The following TSHZ2 variants were observed in gnomAD, a reference collection of about 807,000 sequenced individuals.
The protein encoded by TSHZ2 is teashirt zinc finger homeobox 2, also known as teashirt homolog 2.
TSHZ2 carries 21 observed loss-of-function variants against 74.4 expected under a neutral mutation model. That is an observed-to-expected ratio of 0.28 (90% CI 0.20 to 0.41). The LOEUF (loss-of-function observed/expected upper bound fraction) is 0.41. Among genes scored for constraint, TSHZ2 ranks in the 10% least tolerant of loss-of-function variants. TSHZ2 has a pLI of 1.00. For synonymous variants in TSHZ2, 540 were observed against 515.3 expected (o/e 1.05, Z -0.65); for missense variants, 1,244 against 1,293.5 (o/e 0.96, Z 0.59).
chr20:53,217,299 C>A (rs781318052), intron 1 of TSHZ2, among the ~76,000 whole-genome samples: 1 of 152,142 alleles, frequency 6.6e-6, no homozygotes, highest in African/African-American at 2.4e-5. Flanking sequence ...CACTTCTGGG[C>A]GCTCAGGGAG....
intron 1 of TSHZ2, among the ~76,000 whole-genome samples, chr20:53,066,944 G>C (rs1010661300): frequency 1.3e-5 from 2 of 152,194 alleles, no homozygotes; most frequent in Admixed American, 1.3e-4. Context: ...GACAGCTTCA[G>C]AAAGTCCCGC....
In TSHZ2 at chr20:53,479,277, C is replaced by T. The variant is rs564760643; in HGVS notation, c.*9-7867C>T. Among the ~76,000 whole-genome samples, 139 of 151,910 alleles carry T rather than the reference C, an allele frequency of 9.2e-4. 1 individual carries two copies. Among genetic ancestry groups the T allele is most frequent in the Non-Finnish European group, 6.5e-4 (44 of 67,990 alleles). ...ATTGCCCAAACATTCTATTAAAATG[C>T]AGGTTCCAAATCAGCAGCTTGGGGT... On this transcript the variant is annotated intron_variant, in intron 2 of 2. Transcript: ENST00000371497.
At chr20:53,455,582 C>T in intron 2 of TSHZ2, 1 of 151,884 alleles carries the variant, frequency 6.6e-6, no homozygotes, top group Admixed American at 6.6e-5. Flanking sequence ...TATTATTATA[C>T]TTTAAGTTTT....
chr20:53,034,992 A>G (rs1983766257), intron 1 of TSHZ2, among the ~76,000 whole-genome samples: 1 of 152,216 alleles, frequency 6.6e-6, no homozygotes, highest in Non-Finnish European at 1.5e-5. Context: ...AAGGCAAGTA[A>G]GGAGACTCCT....
intron 1 of TSHZ2, among the ~76,000 whole-genome samples, chr20:53,125,124 GATA>G (rs752624489): frequency 2.0e-4 from 30 of 152,216 alleles, no homozygotes; most frequent in Middle Eastern, 3.2e-3. Context: ...AAATGAGGAT[GATA>G]ATAATCATAA....
At chr20:53,069,079 A>T (rs936822613) in intron 1 of TSHZ2, among the ~76,000 whole-genome samples, 2 of 152,162 alleles carry the variant, frequency 1.3e-5, no homozygotes, top group Non-Finnish European at 2.9e-5. Context: ...TTATTATTTA[A>T]CCACTGCACA....
chr20:53,172,674 T>A (rs1988229640), intron 1 of TSHZ2, among the ~76,000 whole-genome samples: 1 of 152,194 alleles, frequency 6.6e-6, no homozygotes, highest in African/African-American at 2.4e-5. Context: ...GTGAGTACTA[T>A]CATTATTTCT....
chr20:53,028,156 C>T (rs978192770), intron 1 of TSHZ2, among the ~76,000 whole-genome samples: 2 of 152,156 alleles, frequency 1.3e-5, no homozygotes, highest in Admixed American at 6.5e-5. Context: ...GGATAGCAGA[C>T]ATGTGGGTAC....
rs1409433472 is a variant in TSHZ2 at position 52,973,014 on chromosome 20, A to G, written c.-280A>G. 8.2e-6 allele frequency: 3 copies of G among 367,594 alleles called. No individual in the cohort carries two copies. The highest frequency in any genetic ancestry group is 4.8e-5 in the Admixed American group (1 of 20,686). 22.8% of individuals were successfully genotyped at this position (367,594 alleles called of 1,614,324 possible). ...AAAGCAAAAACAAAAAAGAGAGAGG[A>G]AAAAAAATTCAAAATAAACAAACAA... is the stretch of plus-strand genomic sequence containing the variant. On this transcript the variant is annotated 5_prime_UTR_variant, in exon 1 of 3. Coordinates refer to ENST00000371497, the MANE Select transcript of TSHZ2 (RefSeq NM_173485.6).
At chr20:53,142,274 T>G (rs1293568630) in intron 1 of TSHZ2, among the ~76,000 whole-genome samples, 1 of 152,212 alleles carries the variant, frequency 6.6e-6, no homozygotes, top group Non-Finnish European at 1.5e-5. Context: ...TCCTCTGTAT[T>G]AGCTACACTC....
intron 1 of TSHZ2, among the ~76,000 whole-genome samples, chr20:53,050,185 A>G (rs1381576008): frequency 2.1e-5 from 3 of 145,920 alleles, no homozygotes; most frequent in African/African-American, 7.6e-5. Context: ...ACACATATAT[A>G]TGTATATATA....
intron 1 of TSHZ2, among the ~76,000 whole-genome samples, chr20:52,973,707 C>T (rs4811414): frequency 0.13 from 20,297 of 152,078 alleles, 1,574 homozygotes; most frequent in Admixed American, 0.21. Flanking sequence ...GTGGTCAGTG[C>T]CAGTGGCTTT....
At chr20:53,478,851 G>A (rs13036780) in intron 2 of TSHZ2, among the ~76,000 whole-genome samples, 30,600 of 151,534 alleles carry the variant, frequency 0.2, 3,248 homozygotes, top group East Asian at 0.29. Flanking sequence ...CACACAAACC[G>A]CAAAAAGAAA....
chr20:53,205,104 A>C (rs982425919), intron 1 of TSHZ2, among the ~76,000 whole-genome samples: 1 of 151,906 alleles, frequency 6.6e-6, no homozygotes, highest in Non-Finnish European at 1.5e-5. Flanking sequence ...AAAAAAAAAA[A>C]AACCTAAGAA....
intron 1 of TSHZ2, among the ~76,000 whole-genome samples, chr20:53,125,118 G>A (rs1385833834): frequency 6.6e-6 from 1 of 152,210 alleles, no homozygotes; most frequent in East Asian, 1.9e-4. Flanking sequence ...TCTCGAAAAT[G>A]AGGATGATAA....
chr20:53,050,124 T>TATATATATACAC (rs1409158633), intron 1 of TSHZ2, among the ~76,000 whole-genome samples: 13 of 107,234 alleles, frequency 1.2e-4, no homozygotes, highest in African/African-American at 7.7e-4. Context: ...TATATATATA[T>TATATATATACAC]ACACATATAT....
intron 2 of TSHZ2, among the ~76,000 whole-genome samples, chr20:53,438,233 C>T (rs6022468): frequency 0.17 from 26,490 of 151,510 alleles, 2,436 homozygotes; most frequent in East Asian, 0.32. Flanking sequence ...CCTCAACCTC[C>T]CAAGTAGCTG....
intron 1 of TSHZ2, among the ~76,000 whole-genome samples, chr20:52,975,186 T>C (rs1159233120): frequency 1.3e-5 from 2 of 152,164 alleles, no homozygotes; most frequent in Admixed American, 1.3e-4. Flanking sequence ...ACGTCCTTAT[T>C]GTTGTCCCGA....
chr20:53,391,185 C>T (rs1397561360), intron 2 of TSHZ2, among the ~76,000 whole-genome samples: 2 of 151,914 alleles, frequency 1.3e-5, no homozygotes, highest in Non-Finnish European at 2.9e-5. Flanking sequence ...CTTGCTCTGT[C>T]GCCCAGGCTG....
Sources: allele counts gnomAD v4.1 joint callset (sites outside exome capture counted in the v4.1 genomes callset), GRCh38; gene constraint gnomAD v4.1.1; transcripts MANE v1.5; gene names NCBI Gene and HGNC (gene_info 2026-07-23, HGNC 2026-07-21).